PMEPA1: variants seen among roughly 807,000 people sequenced by gnomAD.
PMEPA1 encodes the protein protein TMEPAI.
PMEPA1 carries 11 observed loss-of-function variants against 23.0 expected under a neutral mutation model. The observed-to-expected ratio is 0.48, with a 90% CI of 0.30 to 0.79. The LOEUF is 0.79. Among genes scored for constraint, PMEPA1 ranks in the 30% least tolerant of loss-of-function variants. The pLI, the probability that PMEPA1 is intolerant of heterozygous loss-of-function variation, is 0.06. For missense variants in PMEPA1, 377 were observed against 390.9 expected (o/e 0.96, Z 0.30); for synonymous variants, 204 against 166.4 (o/e 1.23, Z -1.74).
Position 57,657,901 on chromosome 20 carries a change from G to A in PMEPA1, c.264+1642C>T, listed in dbSNP as rs574501029. 1.2e-4 allele frequency among the ~76,000 whole-genome samples: 18 copies of A among 152,272 alleles called. 1 individual carries two copies. In the South Asian group the frequency reaches 3.1e-3, roughly 26 times the overall value. On this transcript the variant is annotated intron_variant, in intron 2 of 3. Coordinates refer to ENST00000341744, the MANE Select transcript of PMEPA1 (RefSeq NM_020182.5). ...ACCTGGTGAGCCCCGGCTCAGAGAC[G>A]TGCCGCAGCCCCAGGGCTGGCCACG...
chr20:57,701,431 G>C (rs1192910298), intron 1 of PMEPA1, among the ~76,000 whole-genome samples: 2 of 152,194 alleles, frequency 1.3e-5, no homozygotes, highest in African/African-American at 4.8e-5. Context: ...CTGGCAATGC[G>C]TTTTTGCCAT....
intron 1 of PMEPA1, among the ~76,000 whole-genome samples, chr20:57,686,787 G>A (rs1246949016): frequency 1.3e-5 from 2 of 152,240 alleles, no homozygotes; most frequent in Non-Finnish European, 1.5e-5. Flanking sequence ...ACACCAAAGA[G>A]TGGAGCTCAG....
intron 1 of PMEPA1, among the ~76,000 whole-genome samples, chr20:57,691,627 A>C (rs570922394): frequency 6.6e-6 from 1 of 151,812 alleles, no homozygotes; most frequent in Non-Finnish European, 1.5e-5. Context: ...GAAAATCATT[A>C]CTCTGCTGTT....
intron 2 of PMEPA1, among the ~76,000 whole-genome samples, chr20:57,658,442 C>G (rs1026964371): frequency 6.6e-6 from 1 of 152,196 alleles, no homozygotes; most frequent in Non-Finnish European, 1.5e-5. Flanking sequence ...AGCAGCACCC[C>G]CTGGGACTGG....
chr20:57,658,565 T>C (rs1243596177), intron 2 of PMEPA1, among the ~76,000 whole-genome samples: 1 of 152,146 alleles, frequency 6.6e-6, no homozygotes, highest in African/African-American at 2.4e-5. Context: ...TAGCCAGTAA[T>C]GACCAGACCC....
intron 1 of PMEPA1, among the ~76,000 whole-genome samples, chr20:57,700,507 C>T (rs1433817763): frequency 2.6e-5 from 4 of 152,130 alleles, no homozygotes; most frequent in African/African-American, 4.8e-5. Context: ...TAGCTGTGGC[C>T]GTCCAGCCCA....
intron 1 of PMEPA1, among the ~76,000 whole-genome samples, chr20:57,676,328 G>A (rs2071635531): frequency 6.6e-6 from 1 of 152,202 alleles, no homozygotes; most frequent in African/African-American, 2.4e-5. Context: ...CAGGGACATA[G>A]GTACTAGCTC....
intron 1 of PMEPA1, among the ~76,000 whole-genome samples, chr20:57,666,440 T>C (rs929566791): frequency 6.6e-6 from 1 of 152,142 alleles, no homozygotes; most frequent in African/African-American, 2.4e-5. Flanking sequence ...ATGAGGAGAC[T>C]GAGGCTGGGA....
At position 57,704,302 on chromosome 20, in the gene PMEPA1, G is replaced by A. The variant is rs2072048256; in HGVS notation, c.109+5172C>T. On this transcript the variant is annotated intron_variant, in intron 1 of 3. Transcript: ENST00000341744. This position sits in a 1 kb window ranked among gnomAD's most constrained non-coding sequence, Gnocchi z 4.6. ...GCCCACCCCAAAGACAACTGAGTTT[G>A]CTTCCCTGAACCATGCTCCCCCAGC... Among the ~76,000 whole-genome samples, 1 of 152,122 alleles carries A rather than the reference G, an allele frequency of 6.6e-6. No homozygotes were observed. Among genetic ancestry groups the A allele is most frequent in the South Asian group, 2.1e-4 (1 of 4,828 alleles).
At chr20:57,690,939 C>G (rs566998245) in intron 1 of PMEPA1, among the ~76,000 whole-genome samples, 3 of 152,188 alleles carry the variant, frequency 2.0e-5, no homozygotes, top group Non-Finnish European at 4.4e-5. Flanking sequence ...GCCTCTACAC[C>G]CCGAGGCCTG....
At chr20:57,662,524 T>C (rs1238539742) in intron 1 of PMEPA1, among the ~76,000 whole-genome samples, 1 of 152,182 alleles carries the variant, frequency 6.6e-6, no homozygotes, top group Non-Finnish European at 1.5e-5. Context: ...CGCATGTTCC[T>C]GGCCAGGAGA....
chr20:57,677,575 A>T (rs977998345), intron 1 of PMEPA1, among the ~76,000 whole-genome samples: 5 of 152,218 alleles, frequency 3.3e-5, no homozygotes, highest in Admixed American at 6.5e-5. Flanking sequence ...TTTCCACCAA[A>T]GCCAGAGACC....
At chr20:57,690,692 A>G in intron 1 of PMEPA1, 1 of 695,278 alleles carries the variant, frequency 1.4e-6, no homozygotes, top group Non-Finnish European at 2.0e-6. Flanking sequence ...GGTGCAGATG[A>G]AGATCTGGCT....
intron 1 of PMEPA1, among the ~76,000 whole-genome samples, chr20:57,694,375 C>T (rs574171973): frequency 1.3e-5 from 2 of 152,284 alleles, no homozygotes; most frequent in African/African-American, 4.8e-5. Flanking sequence ...TTACTTAACC[C>T]GATCTTAAGC....
In PMEPA1 at chr20:57,651,962, G is replaced by T; in HGVS notation, c.*91C>A. 1.8e-6 allele frequency: 2 copies of T among 1,112,916 alleles called. No individual in the cohort carries two copies. Among genetic ancestry groups the T allele is most frequent in the Non-Finnish European group, 2.5e-6 (2 of 809,918 alleles). The allele number at this position is 1,112,916 out of a possible 1,614,324, so 68.9% of individuals were successfully genotyped here. A position where few individuals can be genotyped will look rare whatever the true frequency, so the allele number is the denominator to read the frequency against. On this transcript the variant is annotated 3_prime_UTR_variant, in exon 4 of 4. Coordinates refer to ENST00000341744, the MANE Select transcript of PMEPA1 (RefSeq NM_020182.5). Reference sequence around the variant, plus strand: ...GGAGGGCCACACGATGCGTTGCTGCGCCCCCCGCCTTCCTCTCACTCCTCT... The same window carrying T: ...GGAGGGCCACACGATGCGTTGCTGCTCCCCCCGCCTTCCTCTCACTCCTCT...
At chr20:57,691,105 A>G (rs1027372987) in intron 1 of PMEPA1, among the ~76,000 whole-genome samples, 1 of 152,204 alleles carries the variant, frequency 6.6e-6, no homozygotes, top group Non-Finnish European at 1.5e-5. Context: ...CCAGTCTGCC[A>G]CACTAGGAGC....
intron 1 of PMEPA1, among the ~76,000 whole-genome samples, chr20:57,695,013 ACTCCAATGAG>A (rs2071927625): frequency 6.6e-6 from 1 of 152,028 alleles, no homozygotes; most frequent in Admixed American, 6.6e-5. Context: ...AGCCCATCTC[ACTCCAATGAG>A]GCCCTTCAAA....
intron 1 of PMEPA1, among the ~76,000 whole-genome samples, chr20:57,706,519 A>C (rs1568689982): frequency 6.6e-6 from 1 of 152,192 alleles, no homozygotes; most frequent in Non-Finnish European, 1.5e-5. Context: ...CCCACCAGAC[A>C]GCAGCCTCAT....
intron 1 of PMEPA1, among the ~76,000 whole-genome samples, chr20:57,699,122 C>T (rs999143549): frequency 6.6e-6 from 1 of 152,234 alleles, no homozygotes; most frequent in African/African-American, 2.4e-5. Flanking sequence ...AGGGCTCGAA[C>T]CGAATCTTGT....
Sources: allele counts gnomAD v4.1 joint callset (sites outside exome capture counted in the v4.1 genomes callset), GRCh38; gene constraint gnomAD v4.1.1; non-coding constraint Gnocchi (gnomAD v3.1); transcripts MANE v1.5; gene names NCBI Gene and HGNC (gene_info 2026-07-23, HGNC 2026-07-21).